The following CCDC85C variants were observed in gnomAD, a reference collection of about 807,000 sequenced individuals.
CCDC85C encodes coiled-coil domain-containing protein 85C.
Under a neutral mutation model 38.3 loss-of-function variants are expected in CCDC85C, and 18 were observed. The ratio of observed to expected loss-of-function variants is 0.47; its 90% CI spans 0.33 to 0.70. The LOEUF (loss-of-function observed/expected upper bound fraction) is 0.70, where lower values mean the gene tolerates loss of function less well. Among genes scored for constraint, CCDC85C ranks in the 30% least tolerant of loss-of-function variants. The probability of loss-of-function intolerance (pLI) is 0.03; values close to 1 mark genes in which losing one functional copy is unlikely to be tolerated. For missense variants in CCDC85C, 566 were observed against 621.2 expected (o/e 0.91, Z 0.94); for synonymous variants, 264 against 293.8 (o/e 0.90, Z 1.04).
At chr14:99,543,913 C>T (rs1313431661) in intron 1 of CCDC85C, among the ~76,000 whole-genome samples, 12 of 152,234 alleles carry the variant, frequency 7.9e-5, no homozygotes, top group Admixed American at 7.8e-4. Context: ...CCACAGCCCA[C>T]AAATGGGCAT....
rs200119767 is a variant in CCDC85C, at chr14:99,577,945, C to T, written c.793+25222G>A. The stretch of plus-strand genomic sequence containing the variant: ...GTGTGTGTGTGTGTGTGTGTGTGTA[C>T]ACATCTCTACACCCATACAGCCCAT... On this transcript the variant is annotated intron_variant, in intron 1 of 5. Coordinates refer to ENST00000380243, the MANE Select transcript of CCDC85C (RefSeq NM_001144995.2). 2.3e-4 allele frequency among the ~76,000 whole-genome samples: 32 copies of T among 138,408 alleles called. No individual in the cohort carries two copies. In the East Asian group the frequency reaches 6.2e-3, roughly 27 times the overall value. The allele number at this position is 138,408 out of a possible 152,430, so 90.8% of individuals were successfully genotyped here.
rs1027790297 is a variant in CCDC85C at position 99,533,025 on chromosome 14, G to T, written c.867+2990C>A. On this transcript the variant is annotated intron_variant, in intron 2 of 5. Coordinates refer to ENST00000380243, the MANE Select transcript of CCDC85C (RefSeq NM_001144995.2). This position sits in a 1 kb window ranked among gnomAD's most constrained non-coding sequence, Gnocchi z 4.2. ...TCAAATTCCTGACCTCAAGTGATCC[G>T]CCCACCTCAGCCTCCCAAAGTGCTG... Among the ~76,000 whole-genome samples, 1 of 151,952 alleles carries T rather than the reference G, an allele frequency of 6.6e-6. No individual in the cohort carries two copies. The highest frequency in any genetic ancestry group is 1.5e-5 in the Non-Finnish European group (1 of 68,000).
intron 1 of CCDC85C, among the ~76,000 whole-genome samples, chr14:99,579,711 G>T (rs2054944555): frequency 6.6e-6 from 1 of 152,116 alleles, no homozygotes; most frequent in Non-Finnish European, 1.5e-5. Context: ...GGGAGGCAGG[G>T]GCAGGCCTGG....
intron 2 of CCDC85C, 48 bp from the exon 3 acceptor site, chr14:99,522,288 A>C: frequency 7.1e-7 from 1 of 1,404,646 alleles, no homozygotes; most frequent in Non-Finnish European, 9.7e-7. Flanking sequence ...CAGGCTGAGG[A>C]GGACAAGGGC....
At chr14:99,528,887 G>A (rs1215089416) in intron 2 of CCDC85C, among the ~76,000 whole-genome samples, 8 of 152,178 alleles carry the variant, frequency 5.3e-5, no homozygotes, top group Non-Finnish European at 8.8e-5. Context: ...AATGCATGCT[G>A]GGCTTATTAC....
intron 1 of CCDC85C, among the ~76,000 whole-genome samples, chr14:99,552,888 C>T (rs773777412): frequency 3.4e-4 from 51 of 152,222 alleles, no homozygotes; most frequent in Non-Finnish European, 5.3e-4. Flanking sequence ...GGCACCGTGA[C>T]ATCACTGGGT....
chr14:99,574,022 C>G (rs992127880), intron 1 of CCDC85C, among the ~76,000 whole-genome samples: 1 of 152,228 alleles, frequency 6.6e-6, no homozygotes, highest in Non-Finnish European at 1.5e-5. Flanking sequence ...CCATTTGGAA[C>G]TGGCATTTGG....
At chr14:99,542,074 G>A (rs1024032523) in intron 1 of CCDC85C, among the ~76,000 whole-genome samples, 7 of 152,188 alleles carry the variant, frequency 4.6e-5, no homozygotes, top group Admixed American at 1.3e-4. Context: ...GGCCTCCATC[G>A]GGGCTCCTGC....
Position 99,517,124 on chromosome 14 carries a change from TGCAGGGCTGTAGCCA to T in CCDC85C, c.1020_1034del (p.Tyr342_Gly346del). ...GCACGACAGCCTCGGGCTTCTGTCC[TGCAGGGCTGTAGCCA>T]GCAGAGGGGGGCGAGGGCAGCTCAG... is the stretch of plus-strand genomic sequence containing the variant. On this transcript the variant is annotated inframe_deletion, in exon 4 of 6. Coordinates refer to ENST00000380243, the MANE Select transcript of CCDC85C (RefSeq NM_001144995.2). 1 of 1,550,426 alleles carries T rather than the reference TGCAGGGCTGTAGCCA, an allele frequency of 6.4e-7. No homozygotes were observed. The highest frequency in any genetic ancestry group is 8.7e-7 in the Non-Finnish European group (1 of 1,146,878).
rs556734501 is a variant in CCDC85C, at chr14:99,569,022, G to A, written c.794-32934C>T. On this transcript the variant is annotated intron_variant, in intron 1 of 5. Transcript: ENST00000380243. The surrounding 1 kb of genome is among the most constrained non-coding windows in gnomAD (Gnocchi z 4.3). ...GCCCCAGGTCCATGGGCTAGCTGAG[G>A]GTTCCTGGGGACCCCAGGAGGCGTC... Among the ~76,000 whole-genome samples, 7 of 152,264 alleles carry A rather than the reference G, an allele frequency of 4.6e-5. No individual in the cohort carries two copies. The East Asian group carries it at 1.2e-3, about 25-fold the overall frequency.
intron 1 of CCDC85C, among the ~76,000 whole-genome samples, chr14:99,601,666 C>G (rs1054128992): frequency 1.3e-5 from 2 of 152,184 alleles, no homozygotes; most frequent in Admixed American, 6.5e-5. Flanking sequence ...CTGAGGTGCT[C>G]TGAACAGCCC....
rs1428836044 is a variant in CCDC85C at position 99,507,084 on chromosome 14, C to T, written c.*8162G>A. The T allele has an allele frequency of 1.1e-5, 17 of 1,605,676 alleles. No homozygotes were observed. Among genetic ancestry groups the T allele is most frequent in the Non-Finnish European group, 1.4e-5 (16 of 1,172,338 alleles). ...CTGCTTTTTCTTTGTAGAACCACCA[C>T]CACCTAAAATCCCCAAAATTGAGAC... is the stretch of plus-strand genomic sequence containing the variant. On this transcript the variant is annotated 3_prime_UTR_variant, in exon 6 of 6. Transcript: ENST00000380243.
chr14:99,504,864 G>A lies in CCDC85C; in HGVS notation c.*10382C>T, dbSNP rs1896935276. The A allele has an allele frequency of 6.6e-6, 1 of 152,284 alleles. No homozygotes were observed. The highest frequency in any genetic ancestry group is 1.5e-5 in the Non-Finnish European group (1 of 68,088). 9.4% of individuals were successfully genotyped at this position (152,284 alleles called of 1,614,324 possible). A position where few individuals can be genotyped will look rare whatever the true frequency, so the allele number is the denominator to read the frequency against. On this transcript the variant is annotated 3_prime_UTR_variant, in exon 6 of 6. Transcript: ENST00000380243. Reference sequence around the variant, plus strand: ...ATTGAGTTGACGTGCAGGTCTGTCAGAGGCAGGAAACAAACTATATATGAC... The same window carrying A: ...ATTGAGTTGACGTGCAGGTCTGTCAAAGGCAGGAAACAAACTATATATGAC...
In CCDC85C at chr14:99,502,131, A is replaced by AT; in HGVS notation, c.*13114dup. On this transcript the variant is annotated 3_prime_UTR_variant, in exon 6 of 6. Transcript: ENST00000380243. Reference sequence around the variant, plus strand: ...AGAATAAGCAAATTAATGGTTAGTTATGGCATCTCCATGCACTGGTTTAAT... The same window carrying AT: ...AGAATAAGCAAATTAATGGTTAGTTATTGGCATCTCCATGCACTGGTTTAAT... 7.0e-7 allele frequency: 1 copy of AT among 1,427,104 alleles called. No individual in the cohort carries two copies. The highest frequency in any genetic ancestry group is 2.5e-5 in the East Asian group (1 of 39,286). The allele number at this position is 1,427,104 out of a possible 1,614,324, so 88.4% of individuals were successfully genotyped here.
chr14:99,580,549 G>A (rs2054957487), intron 1 of CCDC85C, among the ~76,000 whole-genome samples: 1 of 151,780 alleles, frequency 6.6e-6, no homozygotes, highest in Non-Finnish European at 1.5e-5. Flanking sequence ...GTATGAAAAC[G>A]CCTGGCTAAT....
At chr14:99,568,298 G>T (rs371987420) in intron 1 of CCDC85C, among the ~76,000 whole-genome samples, 1 of 129,152 alleles carries the variant, frequency 7.7e-6, no homozygotes, top group South Asian at 2.6e-4. Context: ...TGTCACCCAG[G>T]CTGGAGTGCA....
chr14:99,559,396 C>T lies in CCDC85C; in HGVS notation c.794-23308G>A, dbSNP rs567854358. Among the ~76,000 whole-genome samples the T allele has an allele frequency of 1.4e-4, 21 of 152,248 alleles. No individual in the cohort carries two copies. The South Asian group carries it at 1.9e-3, about 14-fold the overall frequency. ...ATAATGTGGCCATTCGTGGTAGTGC[C>T]GTAGGAAGCTATTACACCTTCTCTT... On this transcript the variant is annotated intron_variant, in intron 1 of 5. Transcript: ENST00000380243.
intron 2 of CCDC85C, among the ~76,000 whole-genome samples, chr14:99,525,858 G>A (rs759969819): frequency 9.2e-5 from 14 of 152,200 alleles, no homozygotes; most frequent in Admixed American, 5.2e-4. Context: ...CTCAGTGCTC[G>A]GTGCAGGGAT....
Position 99,508,442 on chromosome 14 carries a change from T to C in CCDC85C, c.*6804A>G. ...GTGGAGGCCTCAGAGCTCTGCTCCC[T>C]CCCCCATTACAGATAGCCAGGAGTA... is the stretch of plus-strand genomic sequence containing the variant. On this transcript the variant is annotated 3_prime_UTR_variant, in exon 6 of 6. Transcript: ENST00000380243. 6.6e-6 allele frequency: 1 copy of C among 152,366 alleles called. No homozygotes were observed. The highest frequency in any genetic ancestry group is 1.5e-5 in the Non-Finnish European group (1 of 68,152). The allele number at this position is 152,366 out of a possible 1,614,324, so 9.4% of individuals were successfully genotyped here.
Sources: allele counts gnomAD v4.1 joint callset (sites outside exome capture counted in the v4.1 genomes callset), GRCh38; gene constraint gnomAD v4.1.1; non-coding constraint Gnocchi (gnomAD v3.1); transcripts MANE v1.5; gene names NCBI Gene and HGNC (gene_info 2026-07-23, HGNC 2026-07-21).